PREX2: variants seen among roughly 807,000 people sequenced by gnomAD.
PREX2 encodes the protein phosphatidylinositol-3,4,5-trisphosphate dependent Rac exchange factor 2.
PREX2 carries 107 observed loss-of-function variants against 203.2 expected under a neutral mutation model. The observed-to-expected ratio is 0.53, with a 90% CI of 0.45 to 0.62. PREX2 has a LOEUF of 0.62. Ranked by LOEUF, PREX2 falls within the 20% of genes least tolerant of loss-of-function variation. The probability of loss-of-function intolerance (pLI) is 0.00; values close to 1 mark genes in which losing one functional copy is unlikely to be tolerated. For missense variants in PREX2, 1,777 were observed against 1,955.9 expected, an observed-to-expected ratio of 0.91 and a Z score of 1.72; for synonymous variants, 672 against 663.6, an observed-to-expected ratio of 1.01 and a Z score of -0.19.
At chr8:67,957,648 AACAG>A (rs1805528122) in intron 1 of PREX2, among the ~76,000 whole-genome samples, 1 of 152,246 alleles carries the variant, frequency 6.6e-6, no homozygotes, top group African/African-American at 2.4e-5. Context: ...TGCTCAAGAA[AACAG>A]ACAAACAGGC....
Position 67,952,177 on chromosome 8 carries a change from C to G in PREX2, c.-218C>G, listed in dbSNP as rs1337456874. On this transcript the variant is annotated 5_prime_UTR_variant, in exon 1 of 40. Transcript: ENST00000288368. ...CCGGAGCCCCCACTCCCAGGAGTTTCCTCTGCAGAGCCCCGCGCCCCCCGC... is the reference window on the plus strand; with the variant it reads ...CCGGAGCCCCCACTCCCAGGAGTTTGCTCTGCAGAGCCCCGCGCCCCCCGC... 15 of 379,180 alleles carry G rather than the reference C, an allele frequency of 4.0e-5. No homozygotes were observed. Among genetic ancestry groups the G allele is most frequent in the Non-Finnish European group, 6.3e-5 (14 of 220,742 alleles). 23.5% of individuals were successfully genotyped at this position (379,180 alleles called of 1,614,324 possible).
At chr8:68,031,279 C>G (rs1397025793) in intron 6 of PREX2, among the ~76,000 whole-genome samples, 1 of 152,126 alleles carries the variant, frequency 6.6e-6, no homozygotes, top group Non-Finnish European at 1.5e-5. Flanking sequence ...TCCTATGTTA[C>G]TTTACCACTA....
At chr8:68,149,737 C>T (rs929110778) in intron 34 of PREX2, among the ~76,000 whole-genome samples, 4 of 152,096 alleles carry the variant, frequency 2.6e-5, no homozygotes, top group African/African-American at 9.7e-5. Context: ...CTGCCCCATG[C>T]AAAATCAATT....
intron 39 of PREX2, among the ~76,000 whole-genome samples, chr8:68,229,236 A>G (rs1474439937): frequency 1.3e-5 from 2 of 152,188 alleles, no homozygotes; most frequent in African/African-American, 4.8e-5. Context: ...TGGGCTACCT[A>G]AGCTCAAACA....
At position 68,235,393 on chromosome 8, in the gene PREX2, AT is replaced by A. The variant is rs1405236848; in HGVS notation, c.*4017del. On this transcript the variant is annotated 3_prime_UTR_variant, in exon 40 of 40. Transcript: ENST00000288368. ...AATTTTTAAAGACATTGTTATGTGA[AT>A]TATCTTACTAAATTATCACTTAAGA... The A allele has an allele frequency of 1.3e-5, 2 of 152,166 alleles. No homozygotes were observed. Among genetic ancestry groups the A allele is most frequent in the African/African-American group, 4.8e-5 (2 of 41,458 alleles). 9.4% of individuals were successfully genotyped at this position (152,166 alleles called of 1,614,324 possible).
chr8:68,066,154 T>G (rs1360106317), intron 11 of PREX2, among the ~76,000 whole-genome samples: 1 of 152,198 alleles, frequency 6.6e-6, no homozygotes, highest in South Asian at 2.1e-4. Context: ...TTTCTTATCT[T>G]GCTATTGTGA....
intron 18 of PREX2, among the ~76,000 whole-genome samples, chr8:68,084,427 A>G (rs538111900): frequency 6.6e-6 from 1 of 152,244 alleles, no homozygotes; most frequent in Admixed American, 6.5e-5. Flanking sequence ...ATACATATTT[A>G]TATGTAATAT....
chr8:68,023,659 G>GT (rs1190043025), intron 4 of PREX2, among the ~76,000 whole-genome samples: 4 of 151,772 alleles, frequency 2.6e-5, no homozygotes, highest in Admixed American at 1.3e-4. Context: ...TTATGACCGT[G>GT]TTTTTTTGGT....
rs1360741058 is a variant in PREX2 at position 68,147,852 on chromosome 8, G to C, written c.4231+1500G>C. On this transcript the variant is annotated intron_variant, in intron 34 of 39. Transcript: ENST00000288368. ...GGACTGTGATTTATAGACAGGGTCAGTGTAGGTAATCCAGATTCTATAATG... is the reference window on the plus strand; with the variant it reads ...GGACTGTGATTTATAGACAGGGTCACTGTAGGTAATCCAGATTCTATAATG... Among the ~76,000 whole-genome samples the C allele has an allele frequency of 2.6e-5, 4 of 151,250 alleles. No individual in the cohort carries two copies. The East Asian group carries it at 7.7e-4, about 29-fold the overall frequency.
At chr8:68,206,197 C>T (rs192377384) in intron 37 of PREX2, among the ~76,000 whole-genome samples, 6 of 152,246 alleles carry the variant, frequency 3.9e-5, no homozygotes, top group East Asian at 1.9e-4. Context: ...TATATCACCT[C>T]GTCTCTCAGG....
At chr8:68,095,531 ACATATATG>A (rs1483638365) in intron 21 of PREX2, among the ~76,000 whole-genome samples, 4 of 79,480 alleles carry the variant, frequency 5.0e-5, no homozygotes, top group African/African-American at 1.0e-4. Flanking sequence ...ATACATACAT[ACATATATG>A]TGTGTGTGTG....
At chr8:68,184,323 G>C (rs1812146747) in intron 35 of PREX2, among the ~76,000 whole-genome samples, 1 of 152,112 alleles carries the variant, frequency 6.6e-6, no homozygotes, top group African/African-American at 2.4e-5. Context: ...GTTTAACAGT[G>C]AAACTCATAG....
intron 38 of PREX2, among the ~76,000 whole-genome samples, chr8:68,221,550 T>C (rs1812953580): frequency 6.6e-6 from 1 of 152,184 alleles, no homozygotes; most frequent in Non-Finnish European, 1.5e-5. Flanking sequence ...TTAACTAAGA[T>C]GATATTTGAT....
intron 25 of PREX2, among the ~76,000 whole-genome samples, chr8:68,113,965 G>A (rs551908665): frequency 3.3e-5 from 5 of 152,154 alleles, no homozygotes; most frequent in Non-Finnish European, 4.4e-5. Context: ...GGGTTCAAGC[G>A]ATTCTCCTGC....
At chr8:68,087,957 A>G (rs1457619417) in intron 19 of PREX2, 148 bp downstream of exon 19, 47 of 615,582 alleles carry the variant, frequency 7.6e-5, no homozygotes, top group South Asian at 3.0e-4. Context: ...AGCACATTCC[A>G]GAAACATTAA....
chr8:68,045,707 G>C (rs1448519806), intron 8 of PREX2, among the ~76,000 whole-genome samples: 5 of 152,082 alleles, frequency 3.3e-5, no homozygotes, highest in Non-Finnish European at 4.4e-5. Context: ...GCTAACTGTG[G>C]GGTGGTGTGG....
chr8:68,111,979 T>C (rs1810545068), intron 25 of PREX2, among the ~76,000 whole-genome samples: 1 of 152,196 alleles, frequency 6.6e-6, no homozygotes, highest in Non-Finnish European at 1.5e-5. Context: ...TTCTAGAAGT[T>C]ATTCATCCCT....
chr8:67,997,421 A>G (rs886290399), intron 1 of PREX2, among the ~76,000 whole-genome samples: 1 of 152,200 alleles, frequency 6.6e-6, no homozygotes, highest in African/African-American at 2.4e-5. Context: ...ACTAATAACA[A>G]TAACTAAGAA....
chr8:68,206,497 A>G (rs762542672), intron 37 of PREX2, among the ~76,000 whole-genome samples: 2 of 152,214 alleles, frequency 1.3e-5, no homozygotes, highest in Non-Finnish European at 2.9e-5. Context: ...AGGGAGGACT[A>G]TGAAAAATAC....
Sources: gnomAD v4.1 joint callset for allele counts (sites outside exome capture counted in the v4.1 genomes callset) on GRCh38, gnomAD v4.1.1 for gene constraint, MANE v1.5 for transcripts, NCBI Gene and HGNC (gene_info 2026-07-23, HGNC 2026-07-21) for gene names.